Variants in LRP1B observed in about 807,000 individuals in gnomAD.
LRP1B encodes the protein low-density lipoprotein receptor-related protein 1B.
Under a neutral mutation model 556.6 loss-of-function variants are expected in LRP1B, and 217 were observed. The observed-to-expected ratio is 0.39, with a 90% CI of 0.35 to 0.44. The LOEUF is 0.44. Ranked by LOEUF, LRP1B falls within the 20% of genes least tolerant of loss-of-function variation. The probability of loss-of-function intolerance (pLI) is 1.00; values close to 1 mark genes in which losing one functional copy is unlikely to be tolerated. For missense variants in LRP1B, 5,053 were observed against 5,620.8 expected (o/e 0.90, Z 3.23); for synonymous variants, 2,047 against 1,865.8 (o/e 1.10, Z -2.50).
At chr2:141,239,488 A>C (rs1193930449) in intron 5 of LRP1B, among the ~76,000 whole-genome samples, 1 of 152,100 alleles carries the variant, frequency 6.6e-6, no homozygotes, top group Admixed American at 6.6e-5. Context: ...TTGTATGCTG[A>C]TGTGAATGAC....
intron 12 of LRP1B, among the ~76,000 whole-genome samples, chr2:141,016,616 T>C (rs1445921939): frequency 7.9e-5 from 12 of 152,086 alleles, no homozygotes; most frequent in Non-Finnish European, 1.5e-5. Flanking sequence ...AACAAAAGCA[T>C]CTGCCTTTAA....
chr2:140,853,814 G>A (rs1001993915), intron 27 of LRP1B, among the ~76,000 whole-genome samples: 1 of 152,110 alleles, frequency 6.6e-6, no homozygotes, highest in Non-Finnish European at 1.5e-5. Flanking sequence ...CACTTCTTTT[G>A]TCACACAGAG....
intron 18 of LRP1B, among the ~76,000 whole-genome samples, chr2:140,960,032 T>G (rs561174961): frequency 2.2e-4 from 1 of 4,470 alleles, no homozygotes; most frequent in Admixed American, 4.6e-3. Context: ...TTAAAATGAG[T>G]AATTTTTTTA....
At chr2:140,683,141 T>C (rs971279575) in intron 41 of LRP1B, among the ~76,000 whole-genome samples, 3 of 152,166 alleles carry the variant, frequency 2.0e-5, no homozygotes, top group Non-Finnish European at 4.4e-5. Context: ...CTCCTTTTTT[T>C]TAAACCTTAA....
intron 3 of LRP1B, among the ~76,000 whole-genome samples, chr2:141,413,430 C>T (rs1374114582): frequency 6.6e-6 from 1 of 152,044 alleles, no homozygotes; most frequent in Non-Finnish European, 1.5e-5. Flanking sequence ...TGTGGGAGGC[C>T]TCTAGAAGCT....
At chr2:141,216,518 AG>A (rs796518966) in intron 6 of LRP1B, among the ~76,000 whole-genome samples, 11 of 152,258 alleles carry the variant, frequency 7.2e-5, no homozygotes, top group African/African-American at 2.6e-4. Context: ...AGCTGTGGGA[AG>A]GGGGCCATTA....
At chr2:140,609,996 C>T (rs1683010982) in intron 41 of LRP1B, among the ~76,000 whole-genome samples, 1 of 151,924 alleles carries the variant, frequency 6.6e-6, no homozygotes, top group African/African-American at 2.4e-5. Context: ...TTTATTATGC[C>T]CTGGCCACAG....
intron 3 of LRP1B, among the ~76,000 whole-genome samples, chr2:141,342,673 A>C (rs1199015597): frequency 1.3e-5 from 2 of 152,136 alleles, no homozygotes; most frequent in Non-Finnish European, 2.9e-5. Context: ...AGATTAGAGC[A>C]AAAAGAATGA....
intron 41 of LRP1B, among the ~76,000 whole-genome samples, chr2:140,687,773 A>T (rs970909249): frequency 2.6e-5 from 4 of 152,174 alleles, no homozygotes; most frequent in Admixed American, 2.6e-4. Context: ...GGTATATAAA[A>T]TTGAAATATT....
chr2:140,716,301 C>T (rs1315177432), intron 36 of LRP1B, among the ~76,000 whole-genome samples, 199 bp from the exon 37 acceptor site: 1 of 152,016 alleles, frequency 6.6e-6, no homozygotes, highest in Non-Finnish European at 1.5e-5. Flanking sequence ...TCTCACACAC[C>T]TCTGGTTTAA....
chr2:140,248,072 G>A (rs1257417020), intron 86 of LRP1B, among the ~76,000 whole-genome samples: 1 of 151,544 alleles, frequency 6.6e-6, no homozygotes, highest in Non-Finnish European at 1.5e-5. Context: ...GGAACTCTGG[G>A]CATGGTGGGC....
intron 3 of LRP1B, among the ~76,000 whole-genome samples, chr2:141,377,086 G>A (rs1455588664): frequency 6.6e-6 from 1 of 152,092 alleles, no homozygotes; most frequent in Non-Finnish European, 1.5e-5. Flanking sequence ...TTCAACACAT[G>A]TCTATAAATC....
rs569451103 is a variant in LRP1B at position 141,381,565 on chromosome 2, A to G, written c.343+98831T>C. Among the ~76,000 whole-genome samples, 5 of 152,222 alleles carry G rather than the reference A, an allele frequency of 3.3e-5. No individual in the cohort carries two copies. In the South Asian group the frequency reaches 8.3e-4, roughly 25 times the overall value. ...GGAATCCTAAAGGATACCAAATAAT[A>G]CAAATACAAAAGAACCCATACTGAG... On this transcript the variant is annotated intron_variant, in intron 3 of 90. Transcript: ENST00000389484.
Position 140,583,162 on chromosome 2 carries a change from CTTTTTTTTCTTT to C in LRP1B, c.7194+15457_7194+15468del, listed in dbSNP as rs1229670729. Among the ~76,000 whole-genome samples the C allele has an allele frequency of 4.9e-4, 53 of 107,806 alleles. 1 individual carries two copies. The highest frequency in any genetic ancestry group is 1.3e-3 in the Admixed American group (12 of 9,454). 70.7% of individuals were successfully genotyped at this position (107,806 alleles called of 152,430 possible). ...TGAAAGTTTCTATTGACAGTTTCTCCTTTTTTTTCTTTTTTTTTTTTTTTTTTTTTTGAGACA... is the reference window on the plus strand; with the variant it reads ...TGAAAGTTTCTATTGACAGTTTCTCCTTTTTTTTTTTTTTTTTTTGAGACA... On this transcript the variant is annotated intron_variant, in intron 43 of 90. Transcript: ENST00000389484.
chr2:141,992,019 T>C (rs749899812), intron 1 of LRP1B, among the ~76,000 whole-genome samples: 10 of 152,262 alleles, frequency 6.6e-5, no homozygotes, highest in Admixed American at 2.6e-4. Context: ...TCGTATATTT[T>C]TATATAACCT....
At chr2:140,842,451 G>T (rs1692139252) in intron 29 of LRP1B, among the ~76,000 whole-genome samples, 1 of 152,152 alleles carries the variant, frequency 6.6e-6, no homozygotes, top group South Asian at 2.1e-4. Flanking sequence ...ACTACTCGTG[G>T]TTCCAGTTCT....
intron 2 of LRP1B, among the ~76,000 whole-genome samples, chr2:141,573,419 A>C (rs980100647): frequency 2.0e-5 from 3 of 152,186 alleles, no homozygotes; most frequent in Non-Finnish European, 4.4e-5. Flanking sequence ...ACAATGTACC[A>C]GAATTTCTGG....
intron 6 of LRP1B, among the ~76,000 whole-genome samples, chr2:141,210,256 A>AC (rs933986020): frequency 6.6e-6 from 1 of 152,010 alleles, no homozygotes; most frequent in African/African-American, 2.4e-5. Context: ...ATAAGAAAAA[A>AC]AAATGCCCAT....
intron 41 of LRP1B, among the ~76,000 whole-genome samples, chr2:140,695,765 T>C (rs977749992): frequency 7.9e-5 from 12 of 152,308 alleles, no homozygotes; most frequent in Non-Finnish European, 1.6e-4. Context: ...CCTCTTTTTA[T>C]ACTGTGAACT....
Sources: allele counts gnomAD v4.1 joint callset (sites outside exome capture counted in the v4.1 genomes callset), GRCh38; gene constraint gnomAD v4.1.1; transcripts MANE v1.5; gene names NCBI Gene and HGNC (gene_info 2026-07-23, HGNC 2026-07-21).